Variants in CACHD1 observed in about 807,000 individuals in gnomAD.
CACHD1 encodes the protein cache domain containing 1, also known as VWFA and cache domain-containing protein 1.
Under a neutral mutation model 138.7 loss-of-function variants are expected in CACHD1, and 71 were observed. The ratio of observed to expected loss-of-function variants is 0.51; its 90% CI spans 0.42 to 0.62. The LOEUF (loss-of-function observed/expected upper bound fraction) is 0.62, where lower values mean the gene tolerates loss of function less well. Among genes scored for constraint, CACHD1 ranks in the 20% least tolerant of loss-of-function variants. The pLI is 0.00. For missense variants in CACHD1, 1,389 were observed against 1,625.3 expected (o/e 0.85, Z 2.50); for synonymous variants, 578 against 591.5 (o/e 0.98, Z 0.33).
chr1:64,552,008 A>C (rs1329856943), intron 2 of CACHD1, among the ~76,000 whole-genome samples: 1 of 152,160 alleles, frequency 6.6e-6, no homozygotes, highest in South Asian at 2.1e-4. Flanking sequence ...TTCTGAACGA[A>C]GCATGTTCAA....
chr1:64,671,726 T>C (rs1557550079), intron 17 of CACHD1, 40 bp downstream of exon 17: 2 of 1,612,676 alleles, frequency 1.2e-6, no homozygotes, highest in Non-Finnish European at 1.7e-6. Context: ...CTAGCTGCAG[T>C]TTAAAAATAG....
chr1:64,499,541 A>G (rs1477340367), intron 1 of CACHD1, among the ~76,000 whole-genome samples: 2 of 152,276 alleles, frequency 1.3e-5, no homozygotes, highest in African/African-American at 4.8e-5. Flanking sequence ...TGGGCTCCGC[A>G]GAATTCAAGG....
chr1:64,487,592 T>A (rs1049811837), intron 1 of CACHD1, among the ~76,000 whole-genome samples: 1 of 152,118 alleles, frequency 6.6e-6, no homozygotes, highest in African/African-American at 2.4e-5. Context: ...ATGATTTTGA[T>A]CATTTTGGCT....
chr1:64,619,780 T>A (rs1647845686), intron 4 of CACHD1, among the ~76,000 whole-genome samples: 1 of 152,174 alleles, frequency 6.6e-6, no homozygotes, highest in Non-Finnish European at 1.5e-5. Context: ...AATAAATATT[T>A]GATAAGGCAA....
At chr1:64,524,477 C>T (rs1260574233) in intron 1 of CACHD1, among the ~76,000 whole-genome samples, 1 of 152,154 alleles carries the variant, frequency 6.6e-6, no homozygotes, top group Non-Finnish European at 1.5e-5. Context: ...TGACATTACC[C>T]ACATTAGTGG....
At position 64,633,946 on chromosome 1, in the gene CACHD1, C is replaced by G; in HGVS notation, c.790-98C>G. 5 of 797,772 alleles carry G rather than the reference C, an allele frequency of 6.3e-6. No homozygotes were observed. The South Asian group carries it at 7.2e-5, about 11-fold the overall frequency. The allele number at this position is 797,772 out of a possible 1,614,324, so 49.4% of individuals were successfully genotyped here. On this transcript the variant is annotated intron_variant, in intron 6 of 26. Coordinates refer to ENST00000651257, the MANE Select transcript of CACHD1 (RefSeq NM_020925.4). ...AAACTCTCAGAATCTGTTCTGTAGG[C>G]CTTCTTACTCCTTGGCCTCTTCTGT...
chr1:64,603,192 C>A (rs1228756478), intron 4 of CACHD1, among the ~76,000 whole-genome samples: 5 of 150,226 alleles, frequency 3.3e-5, no homozygotes, highest in African/African-American at 9.8e-5. Flanking sequence ...GCAAGCTCCG[C>A]CTCCCGGGTT....
intron 26 of CACHD1, among the ~76,000 whole-genome samples, chr1:64,690,359 C>T (rs1046246921): frequency 3.9e-5 from 6 of 152,148 alleles, no homozygotes; most frequent in Non-Finnish European, 5.9e-5. Context: ...ACTAGCATTA[C>T]CCACGGGTAA....
At chr1:64,592,260 C>T (rs1016039231) in intron 3 of CACHD1, among the ~76,000 whole-genome samples, 2 of 152,148 alleles carry the variant, frequency 1.3e-5, no homozygotes, top group East Asian at 3.9e-4. Flanking sequence ...TGCTGACATA[C>T]ATGTATATCA....
intron 5 of CACHD1, among the ~76,000 whole-genome samples, chr1:64,630,994 T>G (rs1648284007): frequency 6.6e-6 from 1 of 152,206 alleles, no homozygotes; most frequent in Non-Finnish European, 1.5e-5. Context: ...TATGATGCCT[T>G]TCCAAGTTCT....
At chr1:64,676,113 T>C (rs1649983822) in intron 21 of CACHD1, 130 bp downstream of exon 21, 1 of 311,182 alleles carries the variant, frequency 3.2e-6, no homozygotes. Flanking sequence ...ATTCTAATGA[T>C]AGAACTAACT....
At chr1:64,648,492 T>C (rs997612810) in intron 9 of CACHD1, among the ~76,000 whole-genome samples, 1 of 152,132 alleles carries the variant, frequency 6.6e-6, no homozygotes, top group Non-Finnish European at 1.5e-5. Context: ...TAAAATGGGA[T>C]AGTAAATCTT....
chr1:64,542,169 CAGAT>C (rs1243776879), intron 1 of CACHD1, among the ~76,000 whole-genome samples: 2 of 152,128 alleles, frequency 1.3e-5, no homozygotes, highest in Non-Finnish European at 2.9e-5. Context: ...TAGTGCCTGA[CAGAT>C]AGTAAGCACT....
At chr1:64,683,043 C>T (rs528810366) in intron 26 of CACHD1, among the ~76,000 whole-genome samples, 1 of 151,892 alleles carries the variant, frequency 6.6e-6, no homozygotes, top group East Asian at 1.9e-4. Flanking sequence ...AAAAAAAAGT[C>T]CTCAAACCTT....
At chr1:64,484,544 A>G (rs1266376569) in intron 1 of CACHD1, among the ~76,000 whole-genome samples, 4 of 152,206 alleles carry the variant, frequency 2.6e-5, no homozygotes, top group African/African-American at 9.6e-5. Flanking sequence ...GGCATTAAAT[A>G]CTTTTCATAT....
At chr1:64,480,373 CT>C (rs34876016) in intron 1 of CACHD1, among the ~76,000 whole-genome samples, 7 of 151,946 alleles carry the variant, frequency 4.6e-5, no homozygotes, top group African/African-American at 9.7e-5. Flanking sequence ...GTGGGGGCCC[CT>C]TTTTTTTCCG....
chr1:64,678,457 C>T, intron 23 of CACHD1, 147 bp downstream of exon 23: 1 of 832,446 alleles, frequency 1.2e-6, no homozygotes, highest in Non-Finnish European at 1.8e-6. Context: ...CAGATAATTA[C>T]CTTCAGAACT....
At chr1:64,620,602 T>C (rs2100614600) in intron 4 of CACHD1, among the ~76,000 whole-genome samples, 1 of 152,324 alleles carries the variant, frequency 6.6e-6, no homozygotes, top group South Asian at 2.1e-4. Context: ...GCCATTTTCA[T>C]CTCACATAAC....
intron 3 of CACHD1, among the ~76,000 whole-genome samples, chr1:64,601,163 AG>A (rs1647209649): frequency 6.6e-6 from 1 of 152,196 alleles, no homozygotes; most frequent in African/African-American, 2.4e-5. Context: ...TATTTTCAGT[AG>A]CTGCTTTCAC....
Sources: allele counts gnomAD v4.1 joint callset (sites outside exome capture counted in the v4.1 genomes callset), GRCh38; gene constraint gnomAD v4.1.1; transcripts MANE v1.5; gene names NCBI Gene and HGNC (gene_info 2026-07-23, HGNC 2026-07-21).